CACNA1C: variants seen among roughly 807,000 people sequenced by gnomAD.
CACNA1C encodes voltage-dependent L-type calcium channel subunit alpha-1C.
CACNA1C carries 30 observed loss-of-function variants against 229.0 expected under a neutral mutation model. The observed-to-expected ratio is 0.13, with a 90% CI of 0.10 to 0.18. The LOEUF (loss-of-function observed/expected upper bound fraction) is 0.18, where lower values mean the gene tolerates loss of function less well. CACNA1C is among the 10% of genes least tolerant of loss of function. CACNA1C has a pLI of 1.00. For missense variants in CACNA1C, 1,658 were observed against 2,845.0 expected (o/e 0.58, Z 9.49); for synonymous variants, 1,114 against 1,132.5 (o/e 0.98, Z 0.33).
intron 3 of CACNA1C, among the ~76,000 whole-genome samples, chr12:2,393,923 T>C (rs928202104): frequency 4.0e-5 from 6 of 151,624 alleles, no homozygotes; most frequent in African/African-American, 1.5e-4. Context: ...CCGGGCAACA[T>C]AGCCAGATCC....
intron 1 of CACNA1C, among the ~76,000 whole-genome samples, chr12:1,984,219 C>T (rs2036980047): frequency 6.6e-6 from 1 of 152,062 alleles, no homozygotes; most frequent in African/African-American, 2.4e-5. Flanking sequence ...AGCCCATTTA[C>T]ATGTAACGTA....
At chr12:2,217,930 A>T (rs1344666683) in intron 3 of CACNA1C, 1 of 152,154 alleles carries the variant, frequency 6.6e-6, no homozygotes, top group Non-Finnish European at 1.5e-5. Context: ...CTGCAGAGTC[A>T]CCGGAGACTT....
At chr12:2,179,478 C>T (rs1180626349) in intron 3 of CACNA1C, among the ~76,000 whole-genome samples, 1 of 152,250 alleles carries the variant, frequency 6.6e-6, no homozygotes, top group Non-Finnish European at 1.5e-5. Context: ...TTGAAGTCAT[C>T]TAGCCCCTTG....
intron 1 of CACNA1C, among the ~76,000 whole-genome samples, chr12:2,082,696 T>C (rs2066099559): frequency 6.6e-6 from 1 of 152,228 alleles, no homozygotes; most frequent in South Asian, 2.1e-4. Flanking sequence ...GGAGGAATTA[T>C]CAGGGAGAAA....
intron 3 of CACNA1C, among the ~76,000 whole-genome samples, chr12:2,368,427 C>T (rs1036948406): frequency 3.9e-5 from 6 of 152,038 alleles, no homozygotes; most frequent in African/African-American, 1.5e-4. Context: ...GCCCCAGAAA[C>T]GTGACTGGAT....
At chr12:2,111,206 A>G (rs760102483) in intron 1 of CACNA1C, among the ~76,000 whole-genome samples, 1 of 152,206 alleles carries the variant, frequency 6.6e-6, no homozygotes, top group Non-Finnish European at 1.5e-5. Context: ...GTGCTCCAGA[A>G]AGGTCCTTGC....
At position 2,581,804 on chromosome 12, in the gene CACNA1C, A is replaced by G. The variant is rs1452517670; in HGVS notation, c.2103+7A>G. On this transcript the variant is annotated splice_region_variant and intron_variant, in intron 14 of 46. Transcript: ENST00000399655. ...CCTCCTCACTGTGTTTCAGGTATGG[A>G]CTCTTCTCTGCTGGGATTCGGACTC... 1 of 1,552,244 alleles carries G rather than the reference A, an allele frequency of 6.4e-7. No homozygotes were observed. The highest frequency in any genetic ancestry group is 8.9e-7 in the Non-Finnish European group (1 of 1,125,954).
At chr12:2,667,291 T>A (rs115938892) in intron 37 of CACNA1C, among the ~76,000 whole-genome samples, 2 of 148,136 alleles carry the variant, frequency 1.4e-5, no homozygotes, top group Non-Finnish European at 3.0e-5. Context: ...TCCACGCTCC[T>A]TTTCTCCCTC....
At position 2,541,508 on chromosome 12, in the gene CACNA1C, C is replaced by G. The variant is rs147193346; in HGVS notation, c.1391-8435C>G. 1.1e-4 allele frequency among the ~76,000 whole-genome samples: 17 copies of G among 152,304 alleles called. No homozygotes were observed. In the East Asian group the frequency reaches 2.7e-3, roughly 24 times the overall value. On this transcript the variant is annotated intron_variant, in intron 9 of 46. Transcript: ENST00000399655. ...GATCCCAGCAGACTGGTGACCTGGA[C>G]TCAGCCATTGGCCTTGTATGACATC...
chr12:2,245,806 A>T (rs1050999322), intron 3 of CACNA1C, among the ~76,000 whole-genome samples: 4 of 152,184 alleles, frequency 2.6e-5, no homozygotes, highest in Non-Finnish European at 5.9e-5. Context: ...CATATGATTT[A>T]CTGCAGAAAT....
At chr12:2,069,316 G>C (rs2060397152) in intron 1 of CACNA1C, among the ~76,000 whole-genome samples, 1 of 152,202 alleles carries the variant, frequency 6.6e-6, no homozygotes, top group South Asian at 2.1e-4. Flanking sequence ...GGCCCAGAAG[G>C]AAATGAACAG....
intron 3 of CACNA1C, among the ~76,000 whole-genome samples, chr12:2,295,686 G>A (rs2093972949): frequency 6.6e-6 from 1 of 152,202 alleles, no homozygotes; most frequent in African/African-American, 2.4e-5. Flanking sequence ...TGGTCACAGT[G>A]CTAGACCCGT....
intron 5 of CACNA1C, among the ~76,000 whole-genome samples, chr12:2,482,918 C>A (rs551252877): frequency 6.6e-6 from 1 of 152,346 alleles, no homozygotes; most frequent in African/African-American, 2.4e-5. Context: ...CTGCCTGTGC[C>A]TTTTCACCAT....
At chr12:2,447,032 G>T (rs1332927041) in intron 3 of CACNA1C, among the ~76,000 whole-genome samples, 1 of 152,094 alleles carries the variant, frequency 6.6e-6, no homozygotes, top group East Asian at 1.9e-4. Context: ...AGAAAGAGGT[G>T]ACCCTGTCAT....
At chr12:2,474,492 C>T (rs1050755283) in intron 5 of CACNA1C, among the ~76,000 whole-genome samples, 2 of 152,332 alleles carry the variant, frequency 1.3e-5, no homozygotes, top group Non-Finnish European at 2.9e-5. Flanking sequence ...CAGTAGCTCA[C>T]GCCTATAATC....
chr12:2,253,009 C>T (rs775334451), intron 3 of CACNA1C, among the ~76,000 whole-genome samples: 4 of 152,168 alleles, frequency 2.6e-5, no homozygotes, highest in Non-Finnish European at 5.9e-5. Flanking sequence ...CTCATGTTCC[C>T]GGAAGGGAAG....
chr12:2,083,347 T>C (rs971315911), intron 1 of CACNA1C, among the ~76,000 whole-genome samples: 1 of 152,190 alleles, frequency 6.6e-6, no homozygotes, highest in Non-Finnish European at 1.5e-5. Flanking sequence ...GATCCCAGCA[T>C]TGCCAGGCAG....
chr12:2,275,383 T>C lies in CACNA1C; in HGVS notation c.477+154953T>C, dbSNP rs1034480658. 6.6e-6 allele frequency among the ~76,000 whole-genome samples: 1 copy of C among 152,160 alleles called. No homozygotes were observed. The highest frequency in any genetic ancestry group is 1.5e-5 in the Non-Finnish European group (1 of 68,028). On this transcript the variant is annotated intron_variant, in intron 3 of 46. Transcript: ENST00000399655. The surrounding 1 kb of genome is among the most constrained non-coding windows in gnomAD (Gnocchi z 4.1). ...ACAGGGGACAGTCCTGCTGGCTGTG[T>C]CTTCCCGGAAGGCTCGTGCCCGCAC...
intron 10 of CACNA1C, among the ~76,000 whole-genome samples, chr12:2,551,712 T>A (rs1367849494): frequency 1.3e-5 from 2 of 151,992 alleles, no homozygotes; most frequent in Non-Finnish European, 2.9e-5. Flanking sequence ...AGGACTGCTG[T>A]GTAGTAAGGA....
Sources: gnomAD v4.1 joint callset for allele counts (sites outside exome capture counted in the v4.1 genomes callset) on GRCh38, gnomAD v4.1.1 for gene constraint, Gnocchi (gnomAD v3.1) non-coding constraint, MANE v1.5 for transcripts, NCBI Gene and HGNC (gene_info 2026-07-23, HGNC 2026-07-21) for gene names.